Variants in PLAC8L1 observed in about 807,000 individuals in gnomAD.
The protein encoded by PLAC8L1 is PLAC8 like 1, also known as PLAC8-like protein 1.
A neutral mutation model predicts 16.3 loss-of-function variants in PLAC8L1; 13 were observed. The observed-to-expected ratio is 0.80, with a 90% confidence interval of 0.52 to 1.27. PLAC8L1 has a LOEUF of 1.27. PLAC8L1 is among the 50% of genes most tolerant of loss of function. The pLI is 0.00. For synonymous variants in PLAC8L1, 78 were observed against 79.3 expected (o/e 0.98, Z 0.09); for missense variants, 184 against 220.2 (o/e 0.84, Z 1.04).
intron 2 of PLAC8L1, among the ~76,000 whole-genome samples, chr5:146,095,224 G>T (rs1162041983): frequency 6.6e-6 from 1 of 152,084 alleles, no homozygotes; most frequent in South Asian, 2.1e-4. Flanking sequence ...CACAACATTC[G>T]AGATCACCTT....
chr5:146,104,413 GA>G lies in PLAC8L1; in HGVS notation c.-103del, dbSNP rs1157668806. ...GTCCAAAGTGAAACATCTCTTGAAA[GA>G]ATGTTCCCTTAATATTCTGGAACCT... On this transcript the variant is annotated 5_prime_UTR_variant, in exon 1 of 4. An upstream open reading frame in the 5' UTR loses its in-frame stop. Coordinates refer to ENST00000311450, the MANE Select transcript of PLAC8L1 (RefSeq NM_001029869.3). The G allele has an allele frequency of 2.2e-6, 2 of 926,460 alleles. No individual in the cohort carries two copies. The highest frequency in any genetic ancestry group is 3.3e-5 in the African/African-American group (2 of 61,014). The allele number at this position is 926,460 out of a possible 1,614,324, so 57.4% of individuals were successfully genotyped here. A position where few individuals can be genotyped will look rare whatever the true frequency, so the allele number is the denominator to read the frequency against.
intron 2 of PLAC8L1, among the ~76,000 whole-genome samples, chr5:146,097,885 G>A (rs1010653642): frequency 6.6e-6 from 1 of 152,202 alleles, no homozygotes; most frequent in Non-Finnish European, 1.5e-5. Context: ...CCCACCAGCA[G>A]TGGATAAGAA....
rs760753914 is a variant in PLAC8L1, at chr5:146,085,444, C to T, written c.393+17G>A. The stretch of plus-strand genomic sequence containing the variant: ...TCATACAGATTCGGGTTCACGTATA[C>T]CTTCAAACACACTTACCTGTATTTT... On this transcript the variant is annotated intron_variant, in intron 3 of 3. Coordinates refer to ENST00000311450, the MANE Select transcript of PLAC8L1 (RefSeq NM_001029869.3). 5 of 1,612,666 alleles carry T rather than the reference C, an allele frequency of 3.1e-6. No homozygotes were observed. Among genetic ancestry groups the T allele is most frequent in the Admixed American group, 3.3e-5 (2 of 59,866 alleles).
chr5:146,104,093 A>G, intron 1 of PLAC8L1, 100 bp downstream of exon 1: 1 of 1,484,018 alleles, frequency 6.7e-7, no homozygotes, highest in Non-Finnish European at 8.9e-7. Flanking sequence ...CTTTCTTCCC[A>G]AGCCCAGTTT....
rs948316412 is a variant in PLAC8L1, at chr5:146,102,057, G to A, written c.119+2136C>T. 5.8e-5 allele frequency among the ~76,000 whole-genome samples: 3 copies of A among 51,764 alleles called. No homozygotes were observed. The Admixed American group carries it at 6.3e-4, about 11-fold the overall frequency. The allele number at this position is 51,764 out of a possible 152,430, so 34.0% of individuals were successfully genotyped here. A position where few individuals can be genotyped will look rare whatever the true frequency, so the allele number is the denominator to read the frequency against. On this transcript the variant is annotated intron_variant, in intron 1 of 3. Transcript: ENST00000311450. Reference sequence around the variant, plus strand: ...TGTTTACCCTTTTTTTTTTTTTTTTGTCTTTTGTCTTTTTTTGAAACAGGG... The same window carrying A: ...TGTTTACCCTTTTTTTTTTTTTTTTATCTTTTGTCTTTTTTTGAAACAGGG...
intron 3 of PLAC8L1, among the ~76,000 whole-genome samples, chr5:146,085,040 T>C (rs990461266): frequency 2.0e-5 from 3 of 150,194 alleles, no homozygotes; most frequent in African/African-American, 7.2e-5. Flanking sequence ...ATACATTCTA[T>C]GTCTACATAA....
intron 1 of PLAC8L1, among the ~76,000 whole-genome samples, chr5:146,102,906 T>C (rs1408356734): frequency 6.6e-6 from 1 of 152,198 alleles, no homozygotes; most frequent in East Asian, 1.9e-4. Context: ...GTAGTATGCA[T>C]GAAGTCGATG....
chr5:146,090,847 G>T (rs1379097415), intron 2 of PLAC8L1, among the ~76,000 whole-genome samples: 2 of 152,100 alleles, frequency 1.3e-5, no homozygotes, highest in African/African-American at 2.4e-5. Context: ...GAGGTCAGGA[G>T]CTCAAGACCA....
At chr5:146,086,840 A>T (rs1202998233) in intron 2 of PLAC8L1, among the ~76,000 whole-genome samples, 1 of 152,246 alleles carries the variant, frequency 6.6e-6, no homozygotes, top group Non-Finnish European at 1.5e-5. Flanking sequence ...AAACAGCAAA[A>T]ATTCCAAGCT....
At chr5:146,102,486 A>G (rs1763837483) in intron 1 of PLAC8L1, among the ~76,000 whole-genome samples, 1 of 152,188 alleles carries the variant, frequency 6.6e-6, no homozygotes, top group Non-Finnish European at 1.5e-5. Flanking sequence ...TAGTTCATTA[A>G]CAACTGAAAG....
rs79573001 is a variant in PLAC8L1 at position 146,103,767 on chromosome 5, C to T, written c.119+426G>A. Reference sequence around the variant, plus strand: ...CATGTCTCCCACATGCCTGGTTCTTCAGCCTGGGGTGTTACATGTCACTCT... The same window carrying T: ...CATGTCTCCCACATGCCTGGTTCTTTAGCCTGGGGTGTTACATGTCACTCT... On this transcript the variant is annotated intron_variant, in intron 1 of 3. Coordinates refer to ENST00000311450, the MANE Select transcript of PLAC8L1 (RefSeq NM_001029869.3). 7.3e-3 allele frequency: 7,151 copies of T among 985,340 alleles called. 361 individuals carry two copies. In the African/African-American group the frequency reaches 0.11, roughly 15 times the overall value. 61.0% of individuals were successfully genotyped at this position (985,340 alleles called of 1,614,324 possible).
intron 2 of PLAC8L1, among the ~76,000 whole-genome samples, chr5:146,086,443 C>A (rs78048834): frequency 6.6e-6 from 1 of 152,172 alleles, no homozygotes; most frequent in African/African-American, 2.4e-5. Flanking sequence ...CTGACATCTG[C>A]CAGTTTTAAT....
Position 146,084,393 on chromosome 5 carries a change from G to T in PLAC8L1, c.*39C>A. ...ATTGTTCCACTGAGAGGTTTGAGAG[G>T]AGGGTGTTGGGGAGTAAGGAGGAGG... On this transcript the variant is annotated 3_prime_UTR_variant, in exon 4 of 4. Coordinates refer to ENST00000311450, the MANE Select transcript of PLAC8L1 (RefSeq NM_001029869.3). 1.3e-6 allele frequency: 2 copies of T among 1,599,664 alleles called. No individual in the cohort carries two copies. Among genetic ancestry groups the T allele is most frequent in the Non-Finnish European group, 1.7e-6 (2 of 1,171,262 alleles).
chr5:146,104,499 A>T lies in PLAC8L1; in HGVS notation c.-188T>A, dbSNP rs1247180975. 9.8e-6 allele frequency: 5 copies of T among 512,750 alleles called. No individual in the cohort carries two copies. The Admixed American group carries it at 1.7e-4, about 17-fold the overall frequency. 31.8% of individuals were successfully genotyped at this position (512,750 alleles called of 1,614,324 possible). On this transcript the variant is annotated 5_prime_UTR_variant, in exon 1 of 4. Transcript: ENST00000311450. ...TTCTTTAAAAACAGGTATACACCTAACTGTGGACACATTCATCTTACTAAT... is the reference window on the plus strand; with the variant it reads ...TTCTTTAAAAACAGGTATACACCTATCTGTGGACACATTCATCTTACTAAT...
At chr5:146,095,650 G>A (rs1408084917) in intron 2 of PLAC8L1, among the ~76,000 whole-genome samples, 2 of 152,022 alleles carry the variant, frequency 1.3e-5, no homozygotes, top group African/African-American at 4.8e-5. Context: ...GAATTTTCCT[G>A]GTAACTGCAC....
chr5:146,089,608 G>A (rs542937953), intron 2 of PLAC8L1, among the ~76,000 whole-genome samples: 102 of 151,834 alleles, frequency 6.7e-4, no homozygotes, highest in Non-Finnish European at 1.3e-3. Flanking sequence ...ATTACTATAT[G>A]TTCTCATGTT....
intron 1 of PLAC8L1, among the ~76,000 whole-genome samples, chr5:146,099,658 CAAA>C (rs10581890): frequency 1.0e-4 from 9 of 88,736 alleles, no homozygotes; most frequent in East Asian, 6.6e-4. Flanking sequence ...GACTCCGTCT[CAAA>C]AAAAAAAAAA....
At chr5:146,099,772 C>T (rs1763779924) in intron 1 of PLAC8L1, among the ~76,000 whole-genome samples, 1 of 151,556 alleles carries the variant, frequency 6.6e-6, no homozygotes, top group Non-Finnish European at 1.5e-5. Flanking sequence ...CTTAAGACAA[C>T]ATCCTGGGGG....
intron 1 of PLAC8L1, among the ~76,000 whole-genome samples, chr5:146,102,515 C>T (rs1002487860): frequency 6.6e-6 from 1 of 152,200 alleles, no homozygotes; most frequent in Non-Finnish European, 1.5e-5. Context: ...GGGGCTGCTA[C>T]AGGTATCAGA....
Sources: gnomAD v4.1 joint callset for allele counts (sites outside exome capture counted in the v4.1 genomes callset) on GRCh38, gnomAD v4.1.1 for gene constraint, MANE v1.5 for transcripts, NCBI Gene and HGNC (gene_info 2026-07-23, HGNC 2026-07-21) for gene names.